The following ATP7A variants were observed in gnomAD, a reference collection of about 807,000 sequenced individuals.
The protein encoded by ATP7A is copper-transporting ATPase 1.
A neutral mutation model predicts 83.5 loss-of-function variants in ATP7A; 7 were observed. The observed-to-expected ratio is 0.08, with a 90% CI of 0.05 to 0.16. ATP7A has a LOEUF of 0.16. ATP7A is among the 10% of genes least tolerant of loss of function. The pLI, the probability that ATP7A is intolerant of heterozygous loss-of-function variation, is 1.00. For missense variants in ATP7A, 940 were observed against 1,120.8 expected, an observed-to-expected ratio of 0.84 and a Z score of 2.30; for synonymous variants, 354 against 395.2, an observed-to-expected ratio of 0.90 and a Z score of 1.24.
rs2077838145 is a variant in ATP7A, at chrX:78,013,046, C to A, written c.2340C>A (p.Phe780Leu). Residue 780 changes from phenylalanine to leucine, a missense_variant, in exon 10 of 23, where the codon TTC becomes TTA. Physicochemically the swap from Phe to Leu is conservative, Grantham distance 22. This residue lies in a region of ATP7A where 204 missense variants were observed against 185.8 expected (regional missense o/e 1.10). Coordinates refer to ENST00000341514, the MANE Select transcript of ATP7A (RefSeq NM_000052.7). ...GAGCCAAAGTGAACCCTATTACTTT[C>A]TTTGACACACCCCCTATGCTGTTTG... is the stretch of plus-strand genomic sequence containing the variant. ...YERAKVNPIT[F>L]FDTPPMLFVF... 1.7e-6 allele frequency: 2 copies of A among 1,211,070 alleles called. No homozygotes were observed. Among genetic ancestry groups the A allele is most frequent in the Non-Finnish European group, 2.2e-6 (2 of 895,093 alleles).
rs910466764 is a variant in ATP7A, at chrX:78,048,151, A to G, written c.*1581A>G. Reference sequence around the variant, plus strand: ...TTGGCAAATTTAGGAGCTTGTTCCCATTGCCAAATGGATTTAGAAATTCCC... The same window carrying G: ...TTGGCAAATTTAGGAGCTTGTTCCCGTTGCCAAATGGATTTAGAAATTCCC... On this transcript the variant is annotated 3_prime_UTR_variant, in exon 23 of 23. Transcript: ENST00000341514. The G allele has an allele frequency of 1.8e-5, 2 of 112,202 alleles. No homozygotes were observed. The highest frequency in any genetic ancestry group is 6.5e-5 in the African/African-American group (2 of 30,930). 9.2% of individuals were successfully genotyped at this position (112,202 alleles called of 1,213,427 possible).
chrX:77,990,349 T>C (rs1413336328), intron 4 of ATP7A, among the ~76,000 whole-genome samples: 1 of 112,221 alleles, frequency 8.9e-6, no homozygotes, highest in Non-Finnish European at 1.9e-5. Context: ...ATTTACGCCA[T>C]GTATATATTG....
chrX:77,949,073 A>G (rs2077399545), intron 1 of ATP7A, among the ~76,000 whole-genome samples: 1 of 110,451 alleles, frequency 9.1e-6, no homozygotes, highest in Non-Finnish European at 1.9e-5. Context: ...TTGTATTTTA[A>G]TAGAGACAGG....
At chrX:77,958,702 A>G (rs1413119425) in intron 1 of ATP7A, among the ~76,000 whole-genome samples, 2 of 109,834 alleles carry the variant, frequency 1.8e-5, no homozygotes, top group African/African-American at 6.6e-5. Flanking sequence ...CATTTTAACA[A>G]TATTAATTCT....
chrX:77,949,185 C>T (rs781954902), intron 1 of ATP7A, among the ~76,000 whole-genome samples: 1 of 111,900 alleles, frequency 8.9e-6, no homozygotes, highest in African/African-American at 3.2e-5. Context: ...CCACTGCGCC[C>T]GGCCTTATTC....
At chrX:77,914,628 G>GAC (rs1249289505) in intron 1 of ATP7A, among the ~76,000 whole-genome samples, 1 of 110,455 alleles carries the variant, frequency 9.1e-6, no homozygotes, top group Non-Finnish European at 1.9e-5. Context: ...TCGAACTCCT[G>GAC]ACTGACCTCA....
intron 1 of ATP7A, among the ~76,000 whole-genome samples, chrX:77,916,863 A>T (rs1211577062): frequency 9.0e-6 from 1 of 111,560 alleles, no homozygotes; most frequent in Non-Finnish European, 1.9e-5. Context: ...AAGAAGTTTA[A>T]TACCAAGCAG....
At chrX:77,929,108 A>T (rs1287505731) in intron 1 of ATP7A, among the ~76,000 whole-genome samples, 1 of 112,015 alleles carries the variant, frequency 8.9e-6, no homozygotes, top group African/African-American at 3.2e-5. Context: ...GAAAGTTGGA[A>T]AGATTAATGT....
chrX:77,924,549 C>T (rs192569777), intron 1 of ATP7A: 1 of 111,894 alleles, frequency 8.9e-6, no homozygotes, highest in African/African-American at 3.2e-5. Flanking sequence ...TTTTAAATTA[C>T]TGTTTCCTTT....
chrX:77,931,158 T>C (rs1456083243), intron 1 of ATP7A, among the ~76,000 whole-genome samples: 5 of 109,048 alleles, frequency 4.6e-5, no homozygotes, highest in African/African-American at 1.0e-4. Context: ...GAGGACCCTG[T>C]GGCCTTCCTC....
Position 77,971,660 on chromosome X carries a change from G to T in ATP7A, c.19G>T (p.Val7Leu). 1 of 1,210,451 alleles carries T rather than the reference G, an allele frequency of 8.3e-7. No individual in the cohort carries two copies. Among genetic ancestry groups the T allele is most frequent in the Non-Finnish European group, 1.1e-6 (1 of 894,228 alleles). MDPSMG[V>L]NSVTISVEGM... ...AATCAAAATGGATCCAAGTATGGGT[G>T]TGAATTCTGTTACCATTTCTGTTGA... The change falls in exon 2 of 23, where the codon GTG (valine) becomes TTG (leucine). Residue 7 changes from valine to leucine, a missense_variant. This residue lies in a region of ATP7A where 350 missense variants were observed against 432.8 expected (regional missense o/e 0.81). Transcript: ENST00000341514.
chrX:78,023,287 A>C (rs2077920485), intron 14 of ATP7A, among the ~76,000 whole-genome samples: 1 of 112,199 alleles, frequency 8.9e-6, no homozygotes, highest in African/African-American at 3.2e-5. Flanking sequence ...ATTTAAAATA[A>C]ATATAAGAAA....
At chrX:77,962,288 G>T (rs372116040) in intron 1 of ATP7A, among the ~76,000 whole-genome samples, 4 of 111,589 alleles carry the variant, frequency 3.6e-5, no homozygotes, top group African/African-American at 1.3e-4. Context: ...TAGAGCATAG[G>T]CCAAGTAAAT....
At chrX:78,006,493 A>C (rs900898454) in intron 6 of ATP7A, among the ~76,000 whole-genome samples, 1 of 112,002 alleles carries the variant, frequency 8.9e-6, no homozygotes, top group African/African-American at 3.2e-5. Context: ...GCTTTTTTGA[A>C]ATACCATAAA....
intron 14 of ATP7A, among the ~76,000 whole-genome samples, chrX:78,027,175 C>G (rs1016642893): frequency 1.2e-4 from 13 of 109,988 alleles, no homozygotes; most frequent in Non-Finnish European, 3.8e-5. Flanking sequence ...AATCTCTGTT[C>G]CTGATGACAT....
chrX:77,977,385 T>C, intron 2 of ATP7A, among the ~76,000 whole-genome samples: 1 of 112,279 alleles, frequency 8.9e-6, no homozygotes, highest in Admixed American at 9.5e-5. Flanking sequence ...ATTTGGAAAC[T>C]AGTTCATGTA....
At chrX:77,956,726 C>CTCTTTCTTTCTTTCTTTCTTTCTTT (rs1557227391) in intron 1 of ATP7A, among the ~76,000 whole-genome samples, 3 of 73,772 alleles carry the variant, frequency 4.1e-5, no homozygotes, top group African/African-American at 1.0e-4. Flanking sequence ...TACCCAGTCT[C>CTCTTTCTTTCTTTCTTTCTTTCTTT]CTTTCTTTCT....
chrX:77,914,671 T>G (rs1310515375), intron 1 of ATP7A, among the ~76,000 whole-genome samples: 1 of 111,229 alleles, frequency 9.0e-6, no homozygotes, highest in African/African-American at 3.3e-5. Context: ...CCCAAAGTGC[T>G]GGGATTACAG....
chrX:77,914,877 ATGTT>A (rs1208073698), intron 1 of ATP7A, among the ~76,000 whole-genome samples: 1 of 112,029 alleles, frequency 8.9e-6, no homozygotes, highest in African/African-American at 3.2e-5. Flanking sequence ...GAAATGGTCT[ATGTT>A]TGTTTTTTCA....
Sources: gnomAD v4.1 joint callset for allele counts (sites outside exome capture counted in the v4.1 genomes callset) on GRCh38, gnomAD v4.1.1 for gene constraint, gnomAD v4.1.1 regional missense constraint, MANE v1.5 for transcripts, NCBI Gene and HGNC (gene_info 2026-07-23, HGNC 2026-07-21) for gene names.